Variants in SAMD3 observed in about 807,000 individuals in gnomAD.
SAMD3 encodes the protein sterile alpha motif domain-containing protein 3.
Under a neutral mutation model 58.5 loss-of-function variants are expected in SAMD3, and 63 were observed. That is an observed-to-expected ratio of 1.08 (90% CI 0.88 to 1.33). The LOEUF is 1.33. Among genes scored for constraint, SAMD3 ranks in the 40% most tolerant of loss-of-function variants. The probability of loss-of-function intolerance (pLI) is 0.00; values close to 1 mark genes in which losing one functional copy is unlikely to be tolerated. For synonymous variants in SAMD3, 220 were observed against 210.3 expected, an observed-to-expected ratio of 1.05 and a Z score of -0.40; for missense variants, 604 against 608.4, an observed-to-expected ratio of 0.99 and a Z score of 0.08.
At chr6:130,152,995 C>A (rs1392488487) in intron 9 of SAMD3, among the ~76,000 whole-genome samples, 1 of 152,196 alleles carries the variant, frequency 6.6e-6, no homozygotes, top group Admixed American at 6.5e-5. Flanking sequence ...CCAATGAAGA[C>A]CCCTAAGGCT....
intron 8 of SAMD3, among the ~76,000 whole-genome samples, chr6:130,169,281 A>C (rs1406884540): frequency 6.6e-6 from 1 of 152,120 alleles, no homozygotes; most frequent in African/African-American, 2.4e-5. Context: ...CTTAATCCCC[A>C]TGTAGTGTAC....
rs138753699 is a variant in SAMD3 at position 130,214,288 on chromosome 6, T to C, written c.269+49A>G. 7.7e-4 allele frequency: 1,118 copies of C among 1,445,490 alleles called. 7 individuals carry two copies. The African/African-American group carries it at 0.013, about 17-fold the overall frequency. 89.5% of individuals were successfully genotyped at this position (1,445,490 alleles called of 1,614,324 possible). A position where few individuals can be genotyped will look rare whatever the true frequency, so the allele number is the denominator to read the frequency against. ...CCCAAACGTCACGCTCTAGCCATCA[T>C]TGGGAAAGCTTGGGAAAAAAAAATA... On this transcript the variant is annotated intron_variant, in intron 4 of 11. Transcript: ENST00000439090.
chr6:130,196,445 C>T (rs1039717414), intron 5 of SAMD3, among the ~76,000 whole-genome samples: 3 of 152,142 alleles, frequency 2.0e-5, no homozygotes, highest in Admixed American at 6.6e-5. Context: ...ATCCACCTGA[C>T]GTTCACCCCA....
At chr6:130,200,667 T>C (rs113019167) in intron 5 of SAMD3, among the ~76,000 whole-genome samples, 1 of 152,196 alleles carries the variant, frequency 6.6e-6, no homozygotes, top group South Asian at 2.1e-4. Context: ...GTGTTTTAAT[T>C]TATCACCAGC....
chr6:130,263,784 G>A (rs374219601), intron 2 of SAMD3, among the ~76,000 whole-genome samples: 4 of 152,046 alleles, frequency 2.6e-5, no homozygotes, highest in African/African-American at 7.2e-5. Flanking sequence ...CTTAGACTGG[G>A]CATTAGTAAA....
chr6:130,206,959 G>A (rs1462438031), intron 5 of SAMD3, among the ~76,000 whole-genome samples: 1 of 151,900 alleles, frequency 6.6e-6, no homozygotes, highest in Non-Finnish European at 1.5e-5. Context: ...AGAGAGCTTG[G>A]GCAACACAAC....
chr6:130,331,768 GCTAA>G (rs1309782966), intron 1 of SAMD3, among the ~76,000 whole-genome samples: 1 of 152,166 alleles, frequency 6.6e-6, no homozygotes, highest in Non-Finnish European at 1.5e-5. Context: ...AGCATTTTAT[GCTAA>G]CTAGTTTTAA....
chr6:130,198,404 T>C (rs1794341982), intron 5 of SAMD3, among the ~76,000 whole-genome samples: 1 of 152,190 alleles, frequency 6.6e-6, no homozygotes, highest in Admixed American at 6.5e-5. Context: ...AGATGAGGTC[T>C]TGCTATGTTG....
intron 1 of SAMD3, among the ~76,000 whole-genome samples, chr6:130,326,433 G>C (rs534034930): frequency 7.1e-6 from 1 of 140,048 alleles, no homozygotes; most frequent in Admixed American, 7.6e-5. Flanking sequence ...GTATTTTTTA[G>C]TAACTTTTTT....
chr6:130,196,556 G>T (rs1041699305), intron 5 of SAMD3, among the ~76,000 whole-genome samples: 6 of 152,136 alleles, frequency 3.9e-5, no homozygotes, highest in Non-Finnish European at 5.9e-5. Context: ...GCAAAGGCAG[G>T]CTATGCTATA....
chr6:130,177,199 C>A (rs989230379), intron 7 of SAMD3, among the ~76,000 whole-genome samples: 1 of 152,138 alleles, frequency 6.6e-6, no homozygotes, highest in African/African-American at 2.4e-5. Flanking sequence ...CTTGCAAGTT[C>A]CCATGTGATG....
intron 1 of SAMD3, among the ~76,000 whole-genome samples, chr6:130,335,715 G>T (rs1033789638): frequency 6.6e-6 from 1 of 152,088 alleles, no homozygotes; most frequent in Non-Finnish European, 1.5e-5. Context: ...ACATGCACAC[G>T]TATGTTTATT....
chr6:130,320,926 T>C (rs1776563485), intron 1 of SAMD3, among the ~76,000 whole-genome samples: 1 of 152,218 alleles, frequency 6.6e-6, no homozygotes, highest in South Asian at 2.1e-4. Context: ...ATCAAGAATG[T>C]GCCTGTCTCA....
chr6:130,198,950 C>T (rs1794396792), intron 5 of SAMD3, among the ~76,000 whole-genome samples: 3 of 152,144 alleles, frequency 2.0e-5, no homozygotes, highest in Admixed American at 1.3e-4. Flanking sequence ...TCCCTGTTTT[C>T]CCAAATTTCG....
At chr6:130,309,054 T>C (rs771237805) in intron 2 of SAMD3, among the ~76,000 whole-genome samples, 1 of 152,140 alleles carries the variant, frequency 6.6e-6, no homozygotes, top group Non-Finnish European at 1.5e-5. Flanking sequence ...GGCTACAACT[T>C]TCAGCAGTCT....
intron 1 of SAMD3, among the ~76,000 whole-genome samples, chr6:130,352,609 A>T (rs1583146666): frequency 6.6e-6 from 1 of 152,196 alleles, no homozygotes; most frequent in East Asian, 1.9e-4. Flanking sequence ...CTTAGAGTGA[A>T]GATTATTGAA....
chr6:130,198,445 G>A (rs1320689380), intron 5 of SAMD3, among the ~76,000 whole-genome samples: 1 of 152,158 alleles, frequency 6.6e-6, no homozygotes, highest in Non-Finnish European at 1.5e-5. Context: ...CTGGCCTCAA[G>A]TGATTCTCCT....
At chr6:130,284,877 T>C (rs1040013164) in intron 2 of SAMD3, among the ~76,000 whole-genome samples, 1 of 152,106 alleles carries the variant, frequency 6.6e-6, no homozygotes, top group Non-Finnish European at 1.5e-5. Context: ...TTTTATACAA[T>C]AAGAAGGAGA....
At chr6:130,341,100 T>G (rs968064076) in intron 1 of SAMD3, among the ~76,000 whole-genome samples, 1 of 152,084 alleles carries the variant, frequency 6.6e-6, no homozygotes, top group African/African-American at 2.4e-5. Flanking sequence ...TCAGTGTTAC[T>G]GTTTGTGTAT....
Sources: gnomAD v4.1 joint callset for allele counts (sites outside exome capture counted in the v4.1 genomes callset) on GRCh38, gnomAD v4.1.1 for gene constraint, MANE v1.5 for transcripts, NCBI Gene and HGNC (gene_info 2026-07-23, HGNC 2026-07-21) for gene names.